Variants in CDHR5 observed in about 807,000 individuals in gnomAD.
CDHR5 encodes cadherin related family member 5.
CDHR5 carries 82 observed loss-of-function variants against 69.5 expected under a neutral mutation model. The ratio of observed to expected loss-of-function variants is 1.18; its 90% confidence interval spans 0.99 to 1.42. The LOEUF (loss-of-function observed/expected upper bound fraction) is 1.42. CDHR5 is among the 40% of genes most tolerant of loss of function. CDHR5 has a pLI of 0.00. For synonymous variants in CDHR5, 601 were observed against 510.2 expected (o/e 1.18, Z -2.40); for missense variants, 1,293 against 1,168.9 (o/e 1.11, Z -1.55).
Position 618,117 on chromosome 11 carries a change from A to G in CDHR5, c.1961-6T>C, listed in dbSNP as rs1394011534. On this transcript the variant is annotated splice_polypyrimidine_tract_variant and splice_region_variant and intron_variant, in intron 13 of 14. Coordinates refer to ENST00000397542, the MANE Select transcript of CDHR5 (RefSeq NM_021924.5). ...GTCCTCCGAGGGGCCGCCACCTGGC[A>G]TCGCAGTGGAAAACGTCATCATCCC... 3.1e-6 allele frequency: 5 copies of G among 1,603,904 alleles called. No homozygotes were observed. The Admixed American group carries it at 5.1e-5, about 16-fold the overall frequency.
chr11:617,807 G>GGTCTCTGC, intron 14 of CDHR5, 37 bp from the exon 15 acceptor site: 1 of 1,454,318 alleles, frequency 6.9e-7, no homozygotes, highest in South Asian at 1.4e-5. Flanking sequence ...GGGGTCCCTG[G>GGTCTCTGC]GTCTCTGCAG....
Position 617,468 on chromosome 11 carries a change from G to A in CDHR5, c.2421C>T (p.Asn807=), listed in dbSNP as rs147490212. The change falls in exon 15 of 15, where the codon AAC becomes AAT. Residue 807 remains asparagine, a synonymous_variant. Transcript: ENST00000397542. ...IGTEADVVVL[N]APTLDVDGAS... is the part of the protein sequence containing the mutation. The stretch of plus-strand genomic sequence containing the variant: ...CGCCATCCACGTCCAGGGTGGGCGC[G>A]TTGAGAACGACCACGTCTGCCTCCG... The A allele has an allele frequency of 6.4e-5, 104 of 1,612,650 alleles. No individual in the cohort carries two copies. In the African/African-American group the frequency reaches 1.1e-3, roughly 17 times the overall value.
rs1406943353 is a variant in CDHR5 at position 619,838 on chromosome 11, G to A, written c.1022C>T (p.Thr341Ile). The change falls in exon 10 of 15, where the codon ACC becomes ATC. Residue 341 changes from threonine to isoleucine, a missense_variant. Coordinates refer to ENST00000397542, the MANE Select transcript of CDHR5 (RefSeq NM_021924.5). The stretch of plus-strand genomic sequence containing the variant: ...CCCGGCCGCAGCCACAGCCTCCACG[G>A]TGACCTGGGTCACTGAGTAGCGGGC... Reference protein sequence around the residue: ...DLARYSVTQVTVEAVAAAGSP... With the variant: ...DLARYSVTQVIVEAVAAAGSP... 1.9e-6 allele frequency: 3 copies of A among 1,566,980 alleles called. No homozygotes were observed. Among genetic ancestry groups the A allele is most frequent in the Non-Finnish European group, 2.6e-6 (3 of 1,160,454 alleles).
chr11:624,870 C>G lies in CDHR5; in HGVS notation c.33G>C (p.Leu11=). Residue 11 remains leucine, a synonymous_variant, in exon 1 of 15, where the codon CTG becomes CTC. Transcript: ENST00000397542. The surrounding 1 kb of genome is among the most constrained non-coding windows in gnomAD (Gnocchi z 5.3). MGSWALLWPP[L]LFTGLLVRPP... is the part of the protein sequence containing the mutation. ...GTCGGACGAGCAGCCCGGTGAACAG[C>G]AGGGGAGGCCACAGCAGGGCCCAAG... 6.3e-7 allele frequency: 1 copy of G among 1,576,520 alleles called. No homozygotes were observed. Among genetic ancestry groups the G allele is most frequent in the Non-Finnish European group, 8.6e-7 (1 of 1,163,708 alleles).
chr11:622,168 G>A (rs1328099818), intron 3 of CDHR5, among the ~76,000 whole-genome samples: 2 of 152,198 alleles, frequency 1.3e-5, no homozygotes, highest in South Asian at 2.1e-4. Flanking sequence ...ACCCCTCGAC[G>A]GCCATCCGTC....
In CDHR5 at chr11:624,321, G is replaced by A. The variant is rs542185729; in HGVS notation, c.262-58C>T. On this transcript the variant is annotated intron_variant, in intron 2 of 14. Transcript: ENST00000397542. This position sits in a 1 kb window ranked among gnomAD's most constrained non-coding sequence, Gnocchi z 5.3. ...CTGCCCCACAGGTGGGGAGACTGAG[G>A]CCAAGTGGGCAGGCGCTGGCCCAGG... 1.5e-4 allele frequency: 113 copies of A among 735,932 alleles called. No homozygotes were observed. In the Admixed American group the frequency reaches 2.1e-3, roughly 14 times the overall value. 45.6% of individuals were successfully genotyped at this position (735,932 alleles called of 1,614,324 possible).
Position 616,865 on chromosome 11 carries a change from G to A in CDHR5, c.*486C>T, listed in dbSNP as rs3758650. The A allele has an allele frequency of 0.049, 8,850 of 179,030 alleles. 321 individuals are homozygous for A. The highest frequency in any genetic ancestry group is 0.1 in the South Asian group (937 of 9,352). 11.1% of individuals were successfully genotyped at this position (179,030 alleles called of 1,614,324 possible). On this transcript the variant is annotated 3_prime_UTR_variant, in exon 15 of 15. Coordinates refer to ENST00000397542, the MANE Select transcript of CDHR5 (RefSeq NM_021924.5). ...AGAAGGGGACTAGGACCCCCGGCAGGTGTTTGAGACCACCGGCTCCCAAGT... is the reference window on the plus strand; with the variant it reads ...AGAAGGGGACTAGGACCCCCGGCAGATGTTTGAGACCACCGGCTCCCAAGT...
chr11:620,530 A>AC, intron 7 of CDHR5, 144 bp from the exon 8 acceptor site: 1 of 596,432 alleles, frequency 1.7e-6, no homozygotes, highest in Non-Finnish European at 3.0e-6. Context: ...CCTGCCTAGG[A>AC]CAGTCCCTTG....
In CDHR5 at chr11:617,309, C is replaced by T. The variant is rs1215355106; in HGVS notation, c.*42G>A. The T allele has an allele frequency of 1.1e-5, 16 of 1,462,648 alleles. No homozygotes were observed. Among genetic ancestry groups the T allele is most frequent in the African/African-American group, 2.8e-5 (2 of 71,168 alleles). 90.6% of individuals were successfully genotyped at this position (1,462,648 alleles called of 1,614,324 possible). ...GGGTCGGAGGCTGGGGGAGCGAGACCTCCAGTGCCCGTGCGGCTGGGGGAG... is the reference window on the plus strand; with the variant it reads ...GGGTCGGAGGCTGGGGGAGCGAGACTTCCAGTGCCCGTGCGGCTGGGGGAG... On this transcript the variant is annotated 3_prime_UTR_variant, in exon 15 of 15. Transcript: ENST00000397542.
chr11:618,231 A>C (rs1013470001), intron 13 of CDHR5, 120 bp from the exon 14 acceptor site: 14 of 837,254 alleles, frequency 1.7e-5, no homozygotes, highest in Admixed American at 2.7e-5. Flanking sequence ...GCTGTCTCCC[A>C]AATCTCAGGC....
In CDHR5 at chr11:618,769, G is replaced by A. The variant is rs761307013; in HGVS notation, c.1790C>T (p.Pro597Leu). ...GTSTSHQPATPGGGTAQTPEA... is the reference protein window; with the variant it reads ...GTSTSHQPATLGGGTAQTPEA... ...TGGGGTCTGTGCTGTGCCCCCACCG[G>A]GTGTGGCTGGTTGGTGGGAGGTGCT... The change falls in exon 13 of 15, where the codon CCC (proline) becomes CTC (leucine). Residue 597 changes from proline (P) to leucine (L), a missense_variant. Transcript: ENST00000397542. 2.2e-5 allele frequency: 36 copies of A among 1,605,584 alleles called. No individual in the cohort carries two copies. In the Admixed American group the frequency reaches 5.8e-4, roughly 26 times the overall value.
At position 621,327 on chromosome 11, in the gene CDHR5, C is replaced by T. The variant is rs1564898715; in HGVS notation, c.618+18G>A. 5 of 1,612,048 alleles carry T rather than the reference C, an allele frequency of 3.1e-6. No individual in the cohort carries two copies. In the Admixed American group the frequency reaches 5.0e-5, roughly 16 times the overall value. ...GGCCTCAAGTGTGTGGGACTCGGGG[C>T]TGGGGTGACCTGCTCACCCGCACCA... On this transcript the variant is annotated intron_variant, in intron 6 of 14. Transcript: ENST00000397542. The surrounding 1 kb of genome is among the most constrained non-coding windows in gnomAD (Gnocchi z 4.4).
chr11:617,143 G>A lies in CDHR5; in HGVS notation c.*208C>T. The stretch of plus-strand genomic sequence containing the variant: ...TGCAGCCTTGGGGTGGGGACAGCGT[G>A]GCCAGACCCACCGCCTCATCTGCAC... On this transcript the variant is annotated 3_prime_UTR_variant, in exon 15 of 15. Coordinates refer to ENST00000397542, the MANE Select transcript of CDHR5 (RefSeq NM_021924.5). The A allele has an allele frequency of 1.7e-6, 1 of 585,262 alleles. No homozygotes were observed. The highest frequency in any genetic ancestry group is 2.2e-5 in the South Asian group (1 of 46,016). 36.3% of individuals were successfully genotyped at this position (585,262 alleles called of 1,614,324 possible). A position where few individuals can be genotyped will look rare whatever the true frequency, so the allele number is the denominator to read the frequency against.
rs754123805 is a variant in CDHR5 at position 618,719 on chromosome 11, G to T, written c.1840C>A (p.Pro614Thr). ...GAGGTGCTGGTTCCCATACCGGGGGGCATCGGCTGAGAGGTTCCTGCCTCT... is the reference window on the plus strand; with the variant it reads ...GAGGTGCTGGTTCCCATACCGGGGGTCATCGGCTGAGAGGTTCCTGCCTCT... ...TPEAGTSQPM[P>T]PGMGTSTSHQ... The change falls in exon 13 of 15, where the codon CCC (proline) becomes ACC (threonine). Residue 614 changes from proline to threonine, a missense_variant. By Grantham distance (38) the Pro-to-Thr change is conservative. Coordinates refer to ENST00000397542, the MANE Select transcript of CDHR5 (RefSeq NM_021924.5). The T allele has an allele frequency of 6.3e-7, 1 of 1,589,196 alleles. No individual in the cohort carries two copies. Among genetic ancestry groups the T allele is most frequent in the Non-Finnish European group, 8.6e-7 (1 of 1,167,988 alleles).
At chr11:620,042 C>T (rs1384906290) in intron 9 of CDHR5, 25 bp downstream of exon 9, 8 of 1,496,832 alleles carry the variant, frequency 5.3e-6, no homozygotes, top group African/African-American at 2.8e-5. Context: ...CTCTGCCCTG[C>T]CCCCCATGCA....
rs748626313 is a variant in CDHR5 at position 624,640 on chromosome 11, C to T, written c.178G>A (p.Val60Met). 6.2e-7 allele frequency: 1 copy of T among 1,613,596 alleles called. No individual in the cohort carries two copies. The highest frequency in any genetic ancestry group is 1.7e-5 in the Admixed American group (1 of 59,986). ...VDIHVPEGQE[V>M]TLGALSTPFA... ...GGGGTGGACAAGGCTCCGAGGGTCA[C>T]CTCCTGGCCCTCCGGGACGTGGATG... Residue 60 changes from valine to methionine, a missense_variant, in exon 2 of 15, where the codon GTG (valine) becomes ATG (methionine). Transcript: ENST00000397542. The surrounding 1 kb of genome is among the most constrained non-coding windows in gnomAD (Gnocchi z 5.3).
At chr11:620,971 C>G in intron 7 of CDHR5, 109 bp downstream of exon 7, 1 of 707,302 alleles carries the variant, frequency 1.4e-6, no homozygotes, top group Non-Finnish European at 2.2e-6. Context: ...CCGAAATCGG[C>G]CCCACCCCCT....
Position 619,100 on chromosome 11 carries a change from G to A in CDHR5, c.1459C>T (p.Pro487Ser). 1 of 1,607,954 alleles carries A rather than the reference G, an allele frequency of 6.2e-7. No homozygotes were observed. ...TTSEVPRPPE[P>S]SQGPSTTSSG... ...CTGGTCGTGGAGGGTCCCTGGGAGG[G>A]CTCAGGGGGTCTGGGGACCTCGGAA... The change falls in exon 13 of 15, where the codon CCC becomes TCC. Residue 487 changes from proline (P) to serine (S), a missense_variant. Coordinates refer to ENST00000397542, the MANE Select transcript of CDHR5 (RefSeq NM_021924.5).
At position 624,474 on chromosome 11, in the gene CDHR5, T is replaced by A. The variant is rs1857602079; in HGVS notation, c.261+83A>T. On this transcript the variant is annotated intron_variant, in intron 2 of 14. Coordinates refer to ENST00000397542, the MANE Select transcript of CDHR5 (RefSeq NM_021924.5). This position sits in a 1 kb window ranked among gnomAD's most constrained non-coding sequence, Gnocchi z 5.3. Reference sequence around the variant, plus strand: ...TGGATGCCCGCAGGCATAGAACTCCTAGGCCCCCAAGGGAGGTGTGGCCTG... The same window carrying A: ...TGGATGCCCGCAGGCATAGAACTCCAAGGCCCCCAAGGGAGGTGTGGCCTG... The A allele has an allele frequency of 7.1e-7, 1 of 1,404,596 alleles. No individual in the cohort carries two copies. The highest frequency in any genetic ancestry group is 1.0e-6 in the Non-Finnish European group (1 of 991,008). The allele number at this position is 1,404,596 out of a possible 1,614,324, so 87.0% of individuals were successfully genotyped here.
Sources: allele counts gnomAD v4.1 joint callset (sites outside exome capture counted in the v4.1 genomes callset), GRCh38; gene constraint gnomAD v4.1.1; non-coding constraint Gnocchi (gnomAD v3.1); transcripts MANE v1.5; gene names NCBI Gene and HGNC (gene_info 2026-07-23, HGNC 2026-07-21).